SLC5A3: variants seen among roughly 807,000 people sequenced by gnomAD.
The protein encoded by SLC5A3 is sodium/myo-inositol cotransporter.
SLC5A3 carries 10 observed loss-of-function variants against 43.2 expected under a neutral mutation model. The ratio of observed to expected loss-of-function variants is 0.23; its 90% CI spans 0.14 to 0.39. The LOEUF is 0.39. Among genes scored for constraint, SLC5A3 ranks in the 10% least tolerant of loss-of-function variants. The pLI, the probability that SLC5A3 is intolerant of heterozygous loss-of-function variation, is 1.00. For synonymous variants in SLC5A3, 349 were observed against 322.0 expected, an observed-to-expected ratio of 1.08 and a Z score of -0.90; for missense variants, 608 against 893.4, an observed-to-expected ratio of 0.68 and a Z score of 4.07.
chr21:34,105,174 A>G lies in SLC5A3; in HGVS notation c.*7819A>G. On this transcript the variant is annotated 3_prime_UTR_variant, in exon 2 of 2. Transcript: ENST00000381151. ...TGCTTTCCCCCACTGTTACTGCTTC[A>G]GTTTATAGATTGCCAGCAGAGTTCA... The G allele has an allele frequency of 2.0e-6, 2 of 1,000,130 alleles. No homozygotes were observed. Among genetic ancestry groups the G allele is most frequent in the Non-Finnish European group, 2.4e-6 (2 of 829,906 alleles). 62.0% of individuals were successfully genotyped at this position (1,000,130 alleles called of 1,614,324 possible).
Position 34,098,873 on chromosome 21 carries a change from A to G in SLC5A3, c.*1518A>G, listed in dbSNP as rs1979098262. On this transcript the variant is annotated 3_prime_UTR_variant, in exon 2 of 2. Coordinates refer to ENST00000381151, the MANE Select transcript of SLC5A3 (RefSeq NM_006933.7). The stretch of plus-strand genomic sequence containing the variant: ...GAAAGATGAAGGAAGCAAATTATGT[A>G]TGTACTTTCTTTGACCTTCTTTAAT... 1 of 999,630 alleles carries G rather than the reference A, an allele frequency of 1.0e-6. No individual in the cohort carries two copies. The highest frequency in any genetic ancestry group is 6.1e-5 in the Admixed American group (1 of 16,262). The allele number at this position is 999,630 out of a possible 1,614,324, so 61.9% of individuals were successfully genotyped here. A position where few individuals can be genotyped will look rare whatever the true frequency, so the allele number is the denominator to read the frequency against.
intron 1 of SLC5A3, among the ~76,000 whole-genome samples, chr21:34,088,615 C>T (rs558240287): frequency 6.6e-6 from 1 of 152,150 alleles, no homozygotes; most frequent in African/African-American, 2.4e-5. Context: ...CAGTAATGTC[C>T]TTTTCACTGA....
At chr21:34,074,172 G>A (rs1193706200) in intron 1 of SLC5A3, among the ~76,000 whole-genome samples, 4 of 149,564 alleles carry the variant, frequency 2.7e-5, no homozygotes, top group Non-Finnish European at 6.0e-5. Context: ...CGCCGCCGCC[G>A]CCTGGTCCGT....
chr21:34,078,198 ATC>A (rs1336099103), intron 1 of SLC5A3, among the ~76,000 whole-genome samples: 1 of 152,022 alleles, frequency 6.6e-6, no homozygotes, highest in African/African-American at 2.4e-5. Flanking sequence ...ATCTTTAATA[ATC>A]TCTCTTTGTG....
chr21:34,082,218 A>C (rs1179970973), intron 1 of SLC5A3, among the ~76,000 whole-genome samples: 2 of 152,156 alleles, frequency 1.3e-5, no homozygotes. Context: ...GACAAAGCCC[A>C]CCTTGTTAAT....
intron 1 of SLC5A3, among the ~76,000 whole-genome samples, chr21:34,093,806 G>A (rs1228216688): frequency 2.0e-5 from 3 of 152,156 alleles, no homozygotes; most frequent in Non-Finnish European, 4.4e-5. Flanking sequence ...ATATTTAAAT[G>A]TCTGTTTTGC....
At position 34,104,125 on chromosome 21, in the gene SLC5A3, A is replaced by C; in HGVS notation, c.*6770A>C. 1 of 999,564 alleles carries C rather than the reference A, an allele frequency of 1.0e-6. No homozygotes were observed. Among genetic ancestry groups the C allele is most frequent in the Non-Finnish European group, 1.2e-6 (1 of 829,760 alleles). 61.9% of individuals were successfully genotyped at this position (999,564 alleles called of 1,614,324 possible). A position where few individuals can be genotyped will look rare whatever the true frequency, so the allele number is the denominator to read the frequency against. The stretch of plus-strand genomic sequence containing the variant: ...GTATGTGAGAGATGAAGTTACCTTT[A>C]TTTTTTTCCTATACTTGACTGTGCT... On this transcript the variant is annotated 3_prime_UTR_variant, in exon 2 of 2. Transcript: ENST00000381151.
Position 34,095,168 on chromosome 21 carries a change from A to G in SLC5A3, c.-31A>G, listed in dbSNP as rs1216355160. ...AAATAAAAAGTTGGACACTTCTGTCATTGGAGCGCTATTATTCACAAGTTA... is the reference window on the plus strand; with the variant it reads ...AAATAAAAAGTTGGACACTTCTGTCGTTGGAGCGCTATTATTCACAAGTTA... On this transcript the variant is annotated 5_prime_UTR_variant, in exon 2 of 2. Transcript: ENST00000381151. The G allele has an allele frequency of 3.5e-6, 5 of 1,409,348 alleles. No individual in the cohort carries two copies. The highest frequency in any genetic ancestry group is 2.5e-5 in the East Asian group (1 of 39,318). The allele number at this position is 1,409,348 out of a possible 1,614,324, so 87.3% of individuals were successfully genotyped here.
In SLC5A3 at chr21:34,098,367, G is replaced by T; in HGVS notation, c.*1012G>T. ...TGACGCTGCCTTTGTGTGCTGGATT[G>T]CTCTACTTGATTAGATCATGATATA... On this transcript the variant is annotated 3_prime_UTR_variant, in exon 2 of 2. Coordinates refer to ENST00000381151, the MANE Select transcript of SLC5A3 (RefSeq NM_006933.7). 1 of 1,000,256 alleles carries T rather than the reference G, an allele frequency of 1.0e-6. No homozygotes were observed. The allele number at this position is 1,000,256 out of a possible 1,614,324, so 62.0% of individuals were successfully genotyped here.
chr21:34,075,575 A>T (rs555259336), intron 1 of SLC5A3, among the ~76,000 whole-genome samples: 2 of 152,362 alleles, frequency 1.3e-5, no homozygotes, highest in African/African-American at 4.8e-5. Context: ...TAGAAAGTAG[A>T]TAATAAAGGT....
chr21:34,074,922 A>G (rs1989289659), intron 1 of SLC5A3, among the ~76,000 whole-genome samples: 3 of 152,208 alleles, frequency 2.0e-5, no homozygotes, highest in Admixed American at 1.3e-4. Flanking sequence ...AAGGGACGCC[A>G]GTGCCTCTCT....
At chr21:34,083,077 T>C (rs1439314384) in intron 1 of SLC5A3, among the ~76,000 whole-genome samples, 1 of 152,228 alleles carries the variant, frequency 6.6e-6, no homozygotes, top group Non-Finnish European at 1.5e-5. Flanking sequence ...TTTGTCTTTG[T>C]TTTGACTTGA....
rs965216929 is a variant in SLC5A3, at chr21:34,105,549, C to T, written c.*8194C>T. 32 of 999,284 alleles carry T rather than the reference C, an allele frequency of 3.2e-5. No homozygotes were observed. The African/African-American group carries it at 4.9e-4, about 15-fold the overall frequency. The allele number at this position is 999,284 out of a possible 1,614,324, so 61.9% of individuals were successfully genotyped here. ...GAAACATGTTCTTCCCAGTGTCCTG[C>T]TTATGATGCTTTGTTCAGATTTTTT... On this transcript the variant is annotated 3_prime_UTR_variant, in exon 2 of 2. Transcript: ENST00000381151.
At position 34,104,644 on chromosome 21, in the gene SLC5A3, A is replaced by T. The variant is rs1366886463; in HGVS notation, c.*7289A>T. 2.0e-6 allele frequency: 2 copies of T among 1,000,172 alleles called. No individual in the cohort carries two copies. The highest frequency in any genetic ancestry group is 2.3e-4 in the East Asian group (2 of 8,834). 62.0% of individuals were successfully genotyped at this position (1,000,172 alleles called of 1,614,324 possible). A position where few individuals can be genotyped will look rare whatever the true frequency, so the allele number is the denominator to read the frequency against. On this transcript the variant is annotated 3_prime_UTR_variant, in exon 2 of 2. Coordinates refer to ENST00000381151, the MANE Select transcript of SLC5A3 (RefSeq NM_006933.7). ...AGATTATTCTTGCCAGCAAAAAGCT[A>T]GCCAGGAATGAGCCTACCACATTAT...
At chr21:34,076,543 C>T (rs1478370738) in intron 1 of SLC5A3, among the ~76,000 whole-genome samples, 2 of 152,196 alleles carry the variant, frequency 1.3e-5, no homozygotes, top group Non-Finnish European at 2.9e-5. Context: ...TACTTTTGTA[C>T]TTCCAAGTTT....
chr21:34,101,825 C>A lies in SLC5A3; in HGVS notation c.*4470C>A. The A allele has an allele frequency of 1.0e-6, 1 of 998,744 alleles. No homozygotes were observed. The highest frequency in any genetic ancestry group is 1.2e-6 in the Non-Finnish European group (1 of 828,786). 61.9% of individuals were successfully genotyped at this position (998,744 alleles called of 1,614,324 possible). A position where few individuals can be genotyped will look rare whatever the true frequency, so the allele number is the denominator to read the frequency against. ...ATGATTTTCTCACACTTTGTGTTGG[C>A]TAATAATAAAAGCACTGTTTTATTC... On this transcript the variant is annotated 3_prime_UTR_variant, in exon 2 of 2. Coordinates refer to ENST00000381151, the MANE Select transcript of SLC5A3 (RefSeq NM_006933.7).
At chr21:34,074,584 C>G (rs921324439) in intron 1 of SLC5A3, among the ~76,000 whole-genome samples, 1 of 152,242 alleles carries the variant, frequency 6.6e-6, no homozygotes, top group South Asian at 2.1e-4. Flanking sequence ...TCACTTCGTC[C>G]TCTGTCCTGG....
intron 1 of SLC5A3, among the ~76,000 whole-genome samples, chr21:34,074,273 C>G (rs1412395517): frequency 6.6e-6 from 1 of 152,024 alleles, no homozygotes; most frequent in Non-Finnish European, 1.5e-5. Flanking sequence ...AAGCGTTCCT[C>G]CAAAGCTTGT....
chr21:34,103,326 A>C lies in SLC5A3; in HGVS notation c.*5971A>C, dbSNP rs892367352. Reference sequence around the variant, plus strand: ...ACTAGTGAAGGAAGTAAAAAAAAAAAAAAAACATGCATTACATTGACATAC... The same window carrying C: ...ACTAGTGAAGGAAGTAAAAAAAAAACAAAAACATGCATTACATTGACATAC... On this transcript the variant is annotated 3_prime_UTR_variant, in exon 2 of 2. Coordinates refer to ENST00000381151, the MANE Select transcript of SLC5A3 (RefSeq NM_006933.7). 1.3e-5 allele frequency: 13 copies of C among 999,130 alleles called. No homozygotes were observed. Among genetic ancestry groups the C allele is most frequent in the Non-Finnish European group, 1.6e-5 (13 of 829,254 alleles). The allele number at this position is 999,130 out of a possible 1,614,324, so 61.9% of individuals were successfully genotyped here.
Sources: allele counts gnomAD v4.1 joint callset (sites outside exome capture counted in the v4.1 genomes callset), GRCh38; gene constraint gnomAD v4.1.1; transcripts MANE v1.5; gene names NCBI Gene and HGNC (gene_info 2026-07-23, HGNC 2026-07-21).